The following NOVA1 variants were observed in gnomAD, a reference collection of about 807,000 sequenced individuals.
NOVA1 encodes RNA-binding protein Nova-1.
In NOVA1, 7 loss-of-function variants were observed where a neutral mutation model predicts 38.0. That is an observed-to-expected ratio of 0.18 (90% CI 0.10 to 0.35). The LOEUF (loss-of-function observed/expected upper bound fraction) is 0.35. Ranked by LOEUF, NOVA1 falls within the 10% of genes least tolerant of loss-of-function variation. The pLI, the probability that NOVA1 is intolerant of heterozygous loss-of-function variation, is 1.00. For missense variants in NOVA1, 460 were observed against 616.0 expected (o/e 0.75, Z 2.68); for synonymous variants, 270 against 232.5 (o/e 1.16, Z -1.47).
chr14:26,596,698 G>C (rs2138834260), intron 1 of NOVA1: 1 of 1,288,178 alleles, frequency 7.8e-7, no homozygotes, highest in African/African-American at 1.5e-5. Flanking sequence ...CACCGTTCCA[G>C]ACACCCCCAC....
chr14:26,549,943 C>T (rs1891064042), intron 2 of NOVA1, among the ~76,000 whole-genome samples: 1 of 152,108 alleles, frequency 6.6e-6, no homozygotes, highest in Non-Finnish European at 1.5e-5. Context: ...AACTTTGCCA[C>T]AGCAAAACAG....
intron 2 of NOVA1, among the ~76,000 whole-genome samples, chr14:26,539,905 C>T (rs1419994476): frequency 6.6e-6 from 1 of 151,950 alleles, no homozygotes; most frequent in East Asian, 1.9e-4. Context: ...AGTTCTAGCA[C>T]AAGAAGCAAA....
At chr14:26,526,244 A>AT (rs1342856795) in intron 2 of NOVA1, among the ~76,000 whole-genome samples, 1 of 152,180 alleles carries the variant, frequency 6.6e-6, no homozygotes, top group Non-Finnish European at 1.5e-5. Flanking sequence ...ATGTTTTTAA[A>AT]TCTGCAAACT....
At chr14:26,574,191 A>G (rs1892667070) in intron 2 of NOVA1, among the ~76,000 whole-genome samples, 1 of 147,676 alleles carries the variant, frequency 6.8e-6, no homozygotes, top group South Asian at 2.1e-4. Context: ...ACGCCTGGCT[A>G]ATTTTTGTAT....
chr14:26,448,725 A>G lies in NOVA1; in HGVS notation c.758T>C (p.Ile253Thr). ...TGGACCTGTCACATTGGCATAACTGATATTGAGACAGCTGCCACTTTGTGG... is the reference window on the plus strand; with the variant it reads ...TGGACCTGTCACATTGGCATAACTGGTATTGAGACAGCTGCCACTTTGTGG... ...EDPQSGSCLN[I>T]SYANVTGPVA... Residue 253 changes from isoleucine (I) to threonine (T), a missense_variant, in exon 5 of 5, where the codon ATC (isoleucine) becomes ACC (threonine). Transcript: ENST00000539517. This position sits in a 1 kb window ranked among gnomAD's most constrained non-coding sequence, Gnocchi z 5.3. 6.2e-7 allele frequency: 1 copy of G among 1,614,166 alleles called. No individual in the cohort carries two copies. The highest frequency in any genetic ancestry group is 8.5e-7 in the Non-Finnish European group (1 of 1,180,024).
intron 4 of NOVA1, among the ~76,000 whole-genome samples, chr14:26,468,860 C>A (rs1033202049): frequency 1.3e-5 from 2 of 152,068 alleles, no homozygotes; most frequent in African/African-American, 4.8e-5. Flanking sequence ...TGAAATCATT[C>A]TTTTATTCTT....
chr14:26,587,144 T>C (rs1893566304), intron 2 of NOVA1, among the ~76,000 whole-genome samples: 2 of 150,842 alleles, frequency 1.3e-5, no homozygotes, highest in Admixed American at 6.6e-5. Flanking sequence ...TCTTGGTACC[T>C]TGGTTTTCTC....
chr14:26,472,412 G>C (rs779608990), intron 3 of NOVA1, 21 bp from the exon 4 acceptor site: 1 of 1,364,060 alleles, frequency 7.3e-7, no homozygotes, highest in Admixed American at 2.1e-5. Flanking sequence ...AAGCAGTTCA[G>C]GAGCAAATCA....
At position 26,587,171 on chromosome 14, in the gene NOVA1, T is replaced by A. The variant is rs77318195; in HGVS notation, c.280+8239A>T. ...GGTTTTCTCAACTGTTAAATGAAAG[T>A]TTTAGAAGAGATCATCTGAACTTCA... On this transcript the variant is annotated intron_variant, in intron 2 of 4. Coordinates refer to ENST00000539517, the MANE Select transcript of NOVA1 (RefSeq NM_002515.3). Among the ~76,000 whole-genome samples the A allele has an allele frequency of 4.5e-3, 676 of 150,646 alleles. 6 individuals carry two copies. Among genetic ancestry groups the A allele is most frequent in the African/African-American group, 0.016 (644 of 41,362 alleles).
chr14:26,579,047 G>T, intron 2 of NOVA1, among the ~76,000 whole-genome samples: 1 of 131,208 alleles, frequency 7.6e-6, no homozygotes, highest in Non-Finnish European at 1.6e-5. Flanking sequence ...CATAGCAGGT[G>T]GTATTCTTTT....
chr14:26,586,897 C>A (rs916776709), intron 2 of NOVA1, among the ~76,000 whole-genome samples: 1 of 149,172 alleles, frequency 6.7e-6, no homozygotes, highest in Admixed American at 6.7e-5. Context: ...AACCACTGGG[C>A]CATCATCTCA....
intron 2 of NOVA1, among the ~76,000 whole-genome samples, chr14:26,495,693 G>A (rs555514578): frequency 4.2e-5 from 6 of 143,072 alleles, no homozygotes; most frequent in Admixed American, 2.2e-4. Flanking sequence ...TCCCCTTCCT[G>A]TGTCCATGTA....
intron 4 of NOVA1, among the ~76,000 whole-genome samples, chr14:26,464,621 A>G (rs1594341999): frequency 1.3e-5 from 2 of 152,198 alleles, no homozygotes; most frequent in South Asian, 4.1e-4. Context: ...GCTGATCTCA[A>G]TATTACTAGT....
chr14:26,485,423 G>C (rs1383349173), intron 2 of NOVA1, among the ~76,000 whole-genome samples: 1 of 151,714 alleles, frequency 6.6e-6, no homozygotes, highest in Non-Finnish European at 1.5e-5. Flanking sequence ...AAGGGCACGT[G>C]GTAAAAGTTT....
chr14:26,553,164 AT>A (rs1269369153), intron 2 of NOVA1, among the ~76,000 whole-genome samples: 3 of 152,174 alleles, frequency 2.0e-5, no homozygotes, highest in Non-Finnish European at 2.9e-5. Context: ...ACATAATGAG[AT>A]ATCAGGTAGC....
intron 2 of NOVA1, among the ~76,000 whole-genome samples, chr14:26,533,289 C>T (rs1184878586): frequency 1.3e-5 from 2 of 152,162 alleles, no homozygotes; most frequent in African/African-American, 2.4e-5. Context: ...TTGTAGCCCT[C>T]GCTTAGGAGC....
chr14:26,478,144 A>G (rs1885140768), intron 3 of NOVA1, among the ~76,000 whole-genome samples: 1 of 151,956 alleles, frequency 6.6e-6, no homozygotes, highest in Non-Finnish European at 1.5e-5. Context: ...AAAGGCAAAT[A>G]AAAATAAAGC....
At chr14:26,517,711 T>C (rs1220227176) in intron 2 of NOVA1, among the ~76,000 whole-genome samples, 1 of 152,174 alleles carries the variant, frequency 6.6e-6, no homozygotes, top group Non-Finnish European at 1.5e-5. Flanking sequence ...AATTTAAAAA[T>C]TAATCTTATC....
intron 2 of NOVA1, among the ~76,000 whole-genome samples, chr14:26,509,533 A>T (rs1247254714): frequency 1.3e-5 from 2 of 152,218 alleles, no homozygotes; most frequent in East Asian, 3.9e-4. Flanking sequence ...ACAGAGCAAG[A>T]CAGAAGAGAG....
Sources: allele counts gnomAD v4.1 joint callset (sites outside exome capture counted in the v4.1 genomes callset), GRCh38; gene constraint gnomAD v4.1.1; non-coding constraint Gnocchi (gnomAD v3.1); transcripts MANE v1.5; gene names NCBI Gene and HGNC (gene_info 2026-07-23, HGNC 2026-07-21).